The following SNED1 variants were observed in gnomAD, a reference collection of about 807,000 sequenced individuals.
SNED1 encodes the protein sushi, nidogen and EGF like domains 1.
In SNED1, 81 loss-of-function variants were observed where a neutral mutation model predicts 166.7. The ratio of observed to expected loss-of-function variants is 0.49; its 90% CI spans 0.41 to 0.58. SNED1 has a LOEUF of 0.58. Ranked by LOEUF, SNED1 falls within the 20% of genes least tolerant of loss-of-function variation. The pLI is 0.00. For missense variants in SNED1, 1,604 were observed against 2,000.2 expected (o/e 0.80, Z 3.78); for synonymous variants, 762 against 822.0 (o/e 0.93, Z 1.25).
intron 28 of SNED1, 87 bp downstream of exon 28, chr2:241,081,880 C>A: frequency 9.9e-7 from 1 of 1,006,084 alleles, no homozygotes; most frequent in Non-Finnish European, 1.5e-6. Flanking sequence ...GGGTTTGCCA[C>A]GGGAGCCTCC....
rs1378126416 is a variant in SNED1 at position 241,085,910 on chromosome 2, A to AGG, written c.4122-1481_4122-1480dup. On this transcript the variant is annotated intron_variant, in intron 29 of 31. Transcript: ENST00000310397. The stretch of plus-strand genomic sequence containing the variant: ...GAGACAGTGTCTTGCTCTGTCGCCC[A>AGG]GGCTGGAGTGCAGTGGAGCGATCTC... 2.5e-5 allele frequency among the ~76,000 whole-genome samples: 3 copies of AGG among 120,718 alleles called. No individual in the cohort carries two copies. In the Admixed American group the frequency reaches 3.5e-4, roughly 14 times the overall value. 79.2% of individuals were successfully genotyped at this position (120,718 alleles called of 152,430 possible). A position where few individuals can be genotyped will look rare whatever the true frequency, so the allele number is the denominator to read the frequency against.
At position 241,013,351 on chromosome 2, in the gene SNED1, G is replaced by A. The variant is rs750507961; in HGVS notation, c.213+14301G>A. On this transcript the variant is annotated intron_variant, in intron 1 of 31. Transcript: ENST00000310397. This position sits in a 1 kb window ranked among gnomAD's most constrained non-coding sequence, Gnocchi z 4.6. Reference sequence around the variant, plus strand: ...AGACAGGGTCTCACTCTGTCACCAGGCTGGAGTGCAGTGGCCTGAGCCTAG... The same window carrying A: ...AGACAGGGTCTCACTCTGTCACCAGACTGGAGTGCAGTGGCCTGAGCCTAG... Among the ~76,000 whole-genome samples the A allele has an allele frequency of 2.0e-5, 3 of 151,944 alleles. No homozygotes were observed. Among genetic ancestry groups the A allele is most frequent in the Non-Finnish European group, 2.9e-5 (2 of 67,992 alleles).
At chr2:241,082,133 A>AC (rs2063357426) in intron 28 of SNED1, 144 bp from the exon 29 acceptor site, 1 of 636,806 alleles carries the variant, frequency 1.6e-6, no homozygotes. Flanking sequence ...CCAGCTGCAG[A>AC]CCCCCGGGCC....
chr2:241,056,917 C>T lies in SNED1; in HGVS notation c.2257+3591C>T, dbSNP rs145923469. Among the ~76,000 whole-genome samples, 1,430 of 152,212 alleles carry T rather than the reference C, an allele frequency of 9.4e-3. 9 individuals carry two copies. Among genetic ancestry groups the T allele is most frequent in the Non-Finnish European group, 0.013 (909 of 68,010 alleles). Reference sequence around the variant, plus strand: ...TGTTTTAAAAAACAGCATCAGAGATCTGTGGGACAATATCAAACAGGCAAA... The same window carrying T: ...TGTTTTAAAAAACAGCATCAGAGATTTGTGGGACAATATCAAACAGGCAAA... On this transcript the variant is annotated intron_variant, in intron 16 of 31. Transcript: ENST00000310397.
rs535052614 is a variant in SNED1 at position 241,067,665 on chromosome 2, GC to G, written c.3011-94del. On this transcript the variant is annotated intron_variant, in intron 21 of 31. Transcript: ENST00000310397. ...ACACCCTCTCCAGTGCCTCTCTGTG[GC>G]CCCCAGCACCCTCCCAAGCCTGGTT... 318 of 962,040 alleles carry G rather than the reference GC, an allele frequency of 3.3e-4. 2 individuals are homozygous for G. The African/African-American group carries it at 4.4e-3, about 13-fold the overall frequency. The allele number at this position is 962,040 out of a possible 1,614,324, so 59.6% of individuals were successfully genotyped here. A position where few individuals can be genotyped will look rare whatever the true frequency, so the allele number is the denominator to read the frequency against.
chr2:241,063,945 C>T (rs917454979), intron 18 of SNED1, 67 bp from the exon 19 acceptor site: 1 of 1,200,458 alleles, frequency 8.3e-7, no homozygotes, highest in Non-Finnish European at 1.2e-6. Flanking sequence ...CTTCTTCCCG[C>T]TGTCCTCTCC....
In SNED1 at chr2:241,048,406, C is replaced by T. The variant is rs1216201378; in HGVS notation, c.1365C>T (p.Cys455=). 3 of 1,610,992 alleles carry T rather than the reference C, an allele frequency of 1.9e-6. No homozygotes were observed. The highest frequency in any genetic ancestry group is 2.5e-6 in the Non-Finnish European group (3 of 1,178,760). ...VDADQGYVCE[C]PEGFMGLDCR... ...CGGACCAGGGCTACGTGTGCGAGTGCCCCGAAGGCTTCATGGGCCTGGACT... is the reference window on the plus strand; with the variant it reads ...CGGACCAGGGCTACGTGTGCGAGTGTCCCGAAGGCTTCATGGGCCTGGACT... Residue 455 remains cysteine (C), a synonymous_variant, in exon 9 of 32, where the codon TGC becomes TGT. Transcript: ENST00000310397.
intron 4 of SNED1, among the ~76,000 whole-genome samples, chr2:241,035,840 C>T (rs1226812266): frequency 1.6e-5 from 2 of 121,306 alleles, no homozygotes; most frequent in African/African-American, 3.2e-5. Flanking sequence ...GGTGCAGGCG[C>T]GCCACAGGGT....
chr2:241,070,733 G>A (rs2062667607), intron 24 of SNED1, among the ~76,000 whole-genome samples: 1 of 152,238 alleles, frequency 6.6e-6, no homozygotes, highest in Non-Finnish European at 1.5e-5. Flanking sequence ...GGCCCTTCCA[G>A]GCTCCACCAG....
Position 241,052,428 on chromosome 2 carries a change from C to T in SNED1, c.2043C>T (p.Cys681=). The T allele has an allele frequency of 1.2e-6, 2 of 1,608,056 alleles. No individual in the cohort carries two copies. The highest frequency in any genetic ancestry group is 8.5e-7 in the Non-Finnish European group (1 of 1,177,244). ...AGGACCGGGACACGGATTTCTTCTGCCACTGCCAAGCAGGGTACATGGGAC... is the reference window on the plus strand; with the variant it reads ...AGGACCGGGACACGGATTTCTTCTGTCACTGCCAAGCAGGGTACATGGGAC... The part of the protein sequence containing the change: ...TCEDRDTDFF[C]HCQAGYMGRR... Residue 681 remains cysteine, a synonymous_variant, in exon 15 of 32, where the codon TGC becomes TGT. Transcript: ENST00000310397.
chr2:241,021,753 G>A (rs1418716756), intron 1 of SNED1, among the ~76,000 whole-genome samples: 1 of 152,156 alleles, frequency 6.6e-6, no homozygotes, highest in African/African-American at 2.4e-5. Context: ...ACATTTTTGT[G>A]TGGACATGTT....
intron 26 of SNED1, chr2:241,072,411 G>C (rs1017865694): frequency 2.8e-6 from 1 of 362,226 alleles, no homozygotes; most frequent in Non-Finnish European, 5.4e-6. Flanking sequence ...TTCTGACACA[G>C]AAGCCCTGAG....
At chr2:241,029,154 C>T (rs2061079253) in intron 1 of SNED1, among the ~76,000 whole-genome samples, 1 of 152,228 alleles carries the variant, frequency 6.6e-6, no homozygotes, top group Admixed American at 6.5e-5. Flanking sequence ...CAGAGCTGAC[C>T]ACTGTGACCA....
In SNED1 at chr2:241,082,266, CT is replaced by C. The variant is rs1553594602; in HGVS notation, c.4034-8del. On this transcript the variant is annotated splice_polypyrimidine_tract_variant and intron_variant, in intron 28 of 31. Coordinates refer to ENST00000310397, the MANE Select transcript of SNED1 (RefSeq NM_001080437.3). Reference sequence around the variant, plus strand: ...GAGCACCTGGTGAGCCACTGCCCTTCTTTGTCGCAGCCTGTATAAAGGTGTC... The same window carrying C: ...GAGCACCTGGTGAGCCACTGCCCTTCTTGTCGCAGCCTGTATAAAGGTGTC... 6.3e-7 allele frequency: 1 copy of C among 1,596,534 alleles called. No individual in the cohort carries two copies. Among genetic ancestry groups the C allele is most frequent in the Non-Finnish European group, 8.6e-7 (1 of 1,165,514 alleles).
At chr2:241,088,448 A>AG in intron 31 of SNED1, 46 bp downstream of exon 31, 1 of 1,530,246 alleles carries the variant, frequency 6.5e-7, no homozygotes, top group Non-Finnish European at 9.1e-7. Context: ...GCTGCTGGGA[A>AG]GTGGGGGGCG....
chr2:241,027,797 G>A (rs1253293024), intron 1 of SNED1, among the ~76,000 whole-genome samples: 1 of 149,036 alleles, frequency 6.7e-6, no homozygotes, highest in Non-Finnish European at 1.5e-5. Flanking sequence ...GCAGTGGCAC[G>A]ATCTCGGCTC....
intron 27 of SNED1, among the ~76,000 whole-genome samples, chr2:241,079,751 T>G (rs775595768): frequency 6.6e-6 from 1 of 152,136 alleles, no homozygotes; most frequent in Non-Finnish European, 1.5e-5. Context: ...GAAAAAAATA[T>G]CATTGCAAGC....
intron 31 of SNED1, chr2:241,088,974 C>A: frequency 3.8e-6 from 1 of 262,952 alleles, no homozygotes. Flanking sequence ...GGCTCATAGG[C>A]ATTCATAAAT....
rs2062539303 is a variant in SNED1, at chr2:241,068,066, C to T, written c.3194+119C>T. On this transcript the variant is annotated intron_variant, in intron 22 of 31. Transcript: ENST00000310397. This position sits in a 1 kb window ranked among gnomAD's most constrained non-coding sequence, Gnocchi z 5.3. ...GTGGACTGTACCACCTGCCGCTCCT[C>T]ACCTGAGCGGAGACAAAGGTCTCAG... is the stretch of plus-strand genomic sequence containing the variant. 1.0e-6 allele frequency: 1 copy of T among 959,718 alleles called. No homozygotes were observed. The highest frequency in any genetic ancestry group is 1.7e-5 in the South Asian group (1 of 58,498). 59.5% of individuals were successfully genotyped at this position (959,718 alleles called of 1,614,324 possible).
Sources: allele counts gnomAD v4.1 joint callset (sites outside exome capture counted in the v4.1 genomes callset), GRCh38; gene constraint gnomAD v4.1.1; non-coding constraint Gnocchi (gnomAD v3.1); transcripts MANE v1.5; gene names NCBI Gene and HGNC (gene_info 2026-07-23, HGNC 2026-07-21).